CHST11: variants seen among roughly 807,000 people sequenced by gnomAD.
CHST11 encodes the protein C4S-1.
Under a neutral mutation model 30.4 loss-of-function variants are expected in CHST11, and 9 were observed. The ratio of observed to expected loss-of-function variants is 0.30; its 90% CI spans 0.18 to 0.52. The LOEUF (loss-of-function observed/expected upper bound fraction) is 0.52. CHST11 is among the 20% of genes least tolerant of loss of function. CHST11 has a pLI of 0.97. For synonymous variants in CHST11, 152 were observed against 187.8 expected (o/e 0.81, Z 1.56); for missense variants, 348 against 460.6 (o/e 0.76, Z 2.24).
At position 104,672,405 on chromosome 12, in the gene CHST11, A is replaced by C. The variant is rs150790789; in HGVS notation, c.204+70414A>C. Among the ~76,000 whole-genome samples the C allele has an allele frequency of 2.3e-3, 344 of 152,326 alleles. 2 individuals carry two copies. The highest frequency in any genetic ancestry group is 7.8e-3 in the African/African-American group (324 of 41,566). On this transcript the variant is annotated intron_variant, in intron 2 of 2. Coordinates refer to ENST00000303694, the MANE Select transcript of CHST11 (RefSeq NM_018413.6). Reference sequence around the variant, plus strand: ...CAGATAGCTCCAGAAATGGAGAATAAAGAGACCATTGCTTTCTGCTTTCTG... The same window carrying C: ...CAGATAGCTCCAGAAATGGAGAATACAGAGACCATTGCTTTCTGCTTTCTG...
At chr12:104,479,032 AAG>A (rs1354147402) in intron 1 of CHST11, among the ~76,000 whole-genome samples, 1 of 152,154 alleles carries the variant, frequency 6.6e-6, no homozygotes, top group African/African-American at 2.4e-5. Context: ...CCGTTTTCAA[AAG>A]AGTCACCTGT....
At chr12:104,706,505 G>A (rs747379859) in intron 2 of CHST11, among the ~76,000 whole-genome samples, 15 of 152,056 alleles carry the variant, frequency 9.9e-5, no homozygotes, top group East Asian at 9.6e-4. Flanking sequence ...AGTGGTCAGC[G>A]AAGGCTCACT....
intron 1 of CHST11, among the ~76,000 whole-genome samples, chr12:104,556,797 A>G (rs1239177197): frequency 6.6e-6 from 1 of 152,116 alleles, no homozygotes; most frequent in Non-Finnish European, 1.5e-5. Flanking sequence ...CCTGGCCAAC[A>G]TGGTGAAACC....
rs1324335474 is a variant in CHST11, at chr12:104,457,436, A to G, written c.25A>G (p.Met9Val). ...CATGAAGCCAGCGCTGCTGGAAGTG[A>G]TGAGGATGAACAGAATCTGCCGGAT... MKPALLEV[M>V]RMNRICRMVL... Residue 9 changes from methionine to valine, a missense_variant, in exon 1 of 3, where the codon ATG becomes GTG. Physicochemically the swap from Met to Val is conservative, Grantham distance 21. Around this residue, in one of 3 missense-constraint regions of CHST11, gnomAD observed 135 missense variants for 155.8 expected, o/e 0.87. Coordinates refer to ENST00000303694, the MANE Select transcript of CHST11 (RefSeq NM_018413.6). 1.2e-6 allele frequency: 2 copies of G among 1,614,038 alleles called. No individual in the cohort carries two copies. Among genetic ancestry groups the G allele is most frequent in the Admixed American group, 3.3e-5 (2 of 60,034 alleles).
chr12:104,618,914 T>C (rs1400577447), intron 2 of CHST11, among the ~76,000 whole-genome samples: 1 of 152,194 alleles, frequency 6.6e-6, no homozygotes, highest in Non-Finnish European at 1.5e-5. Context: ...ATTAAATGAG[T>C]GACCTGAATT....
chr12:104,584,082 G>A (rs896936889), intron 1 of CHST11, among the ~76,000 whole-genome samples: 7 of 152,130 alleles, frequency 4.6e-5, no homozygotes, highest in Non-Finnish European at 8.8e-5. Flanking sequence ...TTTTGTTGGG[G>A]AAATTCCAAC....
rs138356154 is a variant in CHST11 at position 104,574,984 on chromosome 12, T to G, written c.119-26922T>G. 5.6e-3 allele frequency among the ~76,000 whole-genome samples: 853 copies of G among 152,116 alleles called. 2 individuals are homozygous for G. The highest frequency in any genetic ancestry group is 0.01 in the Non-Finnish European group (681 of 67,980). ...AGGCAGGTGAATCATTTGAGTTCAC[T>G]AGTTCAAGACCAGCCTGGCCAACAT... On this transcript the variant is annotated intron_variant, in intron 1 of 2. Coordinates refer to ENST00000303694, the MANE Select transcript of CHST11 (RefSeq NM_018413.6).
Position 104,738,404 on chromosome 12 carries a change from G to C in CHST11, c.205-18545G>C, listed in dbSNP as rs2040319208. Among the ~76,000 whole-genome samples, 3 of 152,192 alleles carry C rather than the reference G, an allele frequency of 2.0e-5. No homozygotes were observed. The South Asian group carries it at 6.2e-4, about 32-fold the overall frequency. On this transcript the variant is annotated intron_variant, in intron 2 of 2. Transcript: ENST00000303694. ...GGCTTTGCATGAATACTTCTTTCTTGGGAAAATCATTCCCTGCTCTCCCAA... is the reference window on the plus strand; with the variant it reads ...GGCTTTGCATGAATACTTCTTTCTTCGGAAAATCATTCCCTGCTCTCCCAA...
intron 2 of CHST11, among the ~76,000 whole-genome samples, chr12:104,632,436 C>CG (rs2039279677): frequency 6.6e-6 from 1 of 152,174 alleles, no homozygotes; most frequent in Admixed American, 6.5e-5. Flanking sequence ...GCCGAGCTAA[C>CG]GGGGATGAGG....
chr12:104,638,001 C>T (rs999759030), intron 2 of CHST11, among the ~76,000 whole-genome samples: 7 of 152,330 alleles, frequency 4.6e-5, no homozygotes, highest in Admixed American at 1.3e-4. Context: ...GTGCCTAGCA[C>T]AGGTCCTGGC....
intron 1 of CHST11, among the ~76,000 whole-genome samples, chr12:104,465,092 A>T (rs1463568943): frequency 6.6e-6 from 1 of 152,174 alleles, no homozygotes; most frequent in African/African-American, 2.4e-5. Flanking sequence ...ATGCCTTCTG[A>T]GGCCACCTCT....
At chr12:104,565,934 T>G (rs2136019946) in intron 1 of CHST11, among the ~76,000 whole-genome samples, 1 of 152,332 alleles carries the variant, frequency 6.6e-6, no homozygotes, top group East Asian at 1.9e-4. Flanking sequence ...CCTGCAGGCG[T>G]GTGCTTACCA....
chr12:104,499,812 T>A (rs1469385320), intron 1 of CHST11, among the ~76,000 whole-genome samples: 1 of 152,216 alleles, frequency 6.6e-6, no homozygotes, highest in Admixed American at 6.5e-5. Flanking sequence ...TCTCTTGCTG[T>A]CCTCCTTCTG....
intron 1 of CHST11, among the ~76,000 whole-genome samples, chr12:104,592,625 G>A (rs543586283): frequency 1.1e-4 from 17 of 152,202 alleles, no homozygotes; most frequent in African/African-American, 2.9e-4. Flanking sequence ...AGCACTTTGC[G>A]TCCTGCCATT....
intron 2 of CHST11, among the ~76,000 whole-genome samples, chr12:104,660,199 T>C (rs533986596): frequency 1.3e-5 from 2 of 152,290 alleles, no homozygotes; most frequent in East Asian, 3.9e-4. Context: ...AAAATACTTG[T>C]TGATGCTGTT....
chr12:104,735,666 C>A (rs551177994), intron 2 of CHST11, among the ~76,000 whole-genome samples: 1 of 152,174 alleles, frequency 6.6e-6, no homozygotes, highest in Non-Finnish European at 1.5e-5. Context: ...TGCAAGAAAG[C>A]GCAGTACTTC....
intron 2 of CHST11, among the ~76,000 whole-genome samples, chr12:104,673,970 T>C (rs703666): frequency 0.25 from 38,065 of 152,178 alleles, 6,905 homozygotes; most frequent in African/African-American, 0.51. Context: ...TCTTTATGGC[T>C]GCTCGGTTTT....
chr12:104,561,230 C>T (rs1565987471), intron 1 of CHST11, among the ~76,000 whole-genome samples: 1 of 152,244 alleles, frequency 6.6e-6, no homozygotes, highest in Non-Finnish European at 1.5e-5. Context: ...ACAGTCCTGA[C>T]ATGGCCTGAT....
At chr12:104,741,407 C>T (rs1291882913) in intron 2 of CHST11, among the ~76,000 whole-genome samples, 1 of 152,204 alleles carries the variant, frequency 6.6e-6, no homozygotes, top group East Asian at 1.9e-4. Context: ...AGGCCCAGAG[C>T]ATGGCTCATG....
Sources: gnomAD v4.1 joint callset for allele counts (sites outside exome capture counted in the v4.1 genomes callset) on GRCh38, gnomAD v4.1.1 for gene constraint, gnomAD v4.1.1 regional missense constraint, MANE v1.5 for transcripts, NCBI Gene and HGNC (gene_info 2026-07-23, HGNC 2026-07-21) for gene names.